The following SLC9B2 variants were observed in gnomAD, a reference collection of about 807,000 sequenced individuals.
SLC9B2 encodes solute carrier family 9 member B2.
SLC9B2 carries 39 observed loss-of-function variants against 52.2 expected under a neutral mutation model. That is an observed-to-expected ratio of 0.75 (90% CI 0.58 to 0.98). SLC9B2 has a LOEUF of 0.98. SLC9B2 is among the 50% of genes least tolerant of loss of function. The pLI is 0.00. For synonymous variants in SLC9B2, 214 were observed against 227.0 expected (o/e 0.94, Z 0.51); for missense variants, 626 against 637.5 (o/e 0.98, Z 0.19).
rs758464031 is a variant in SLC9B2, at chr4:103,066,480, T to C, written c.118A>G (p.Ile40Val). 5 of 1,613,914 alleles carry C rather than the reference T, an allele frequency of 3.1e-6. No homozygotes were observed. Among genetic ancestry groups the C allele is most frequent in the African/African-American group, 1.3e-5 (1 of 74,930 alleles). The stretch of plus-strand genomic sequence containing the variant: ...CCTTCTGTTGGTTCATTTGCATCTA[T>C]ACCTTTGAGCTTCATAACTGTCTCC... ...QEETVMKLKGIDANEPTEGSI... is the reference protein window; with the variant it reads ...QEETVMKLKGVDANEPTEGSI... Residue 40 changes from isoleucine (I) to valine (V), a missense_variant, in exon 3 of 12, where the codon ATA becomes GTA. By Grantham distance (29) the Ile-to-Val change is conservative. Coordinates refer to ENST00000394785, the MANE Select transcript of SLC9B2 (RefSeq NM_178833.7).
chr4:103,021,684 A>G (rs146794204), downstream of SLC9B2, among the ~76,000 whole-genome samples: 32 of 152,366 alleles, frequency 2.1e-4, no homozygotes, highest in East Asian at 1.9e-3. Flanking sequence ...ATAGTTTCAT[A>G]CTTCTGAAAG....
chr4:103,068,653 A>G (rs1746357409), intron 1 of SLC9B2, among the ~76,000 whole-genome samples: 1 of 152,200 alleles, frequency 6.6e-6, no homozygotes, highest in Non-Finnish European at 1.5e-5. Flanking sequence ...AACCACTATT[A>G]ATCAAGTTTT....
chr4:103,044,951 A>T lies in SLC9B2; in HGVS notation c.935T>A (p.Ile312Asn). Reference protein sequence around the residue: ...NVLRGVLEVVIGVATGSVLGF... With the variant: ...NVLRGVLEVVNGVATGSVLGF... The stretch of plus-strand genomic sequence containing the variant: ...AAGAACAGATCCAGTTGCCACACCA[A>T]TTACCACCTCCAAAACTCCTCTGAG... Residue 312 changes from isoleucine (I) to asparagine (N), a missense_variant, in exon 8 of 12, where the codon ATT (isoleucine) becomes AAT (asparagine). By Grantham distance (149) the Ile-to-Asn change is moderately radical. Coordinates refer to ENST00000394785, the MANE Select transcript of SLC9B2 (RefSeq NM_178833.7). The T allele has an allele frequency of 1.9e-6, 3 of 1,614,006 alleles. No homozygotes were observed. Among genetic ancestry groups the T allele is most frequent in the Non-Finnish European group, 2.5e-6 (3 of 1,179,932 alleles).
At chr4:103,043,532 GAAAAT>G in intron 8 of SLC9B2, 87 bp from the exon 9 acceptor site, 1 of 1,239,598 alleles carries the variant, frequency 8.1e-7, no homozygotes, top group Non-Finnish European at 1.1e-6. Flanking sequence ...GATTTAGAAA[GAAAAT>G]AAAAATTAAA....
intron 9 of SLC9B2, among the ~76,000 whole-genome samples, chr4:103,041,651 A>G (rs1162727345): frequency 6.6e-6 from 1 of 152,160 alleles, no homozygotes; most frequent in African/African-American, 2.4e-5. Context: ...TTATGAATTT[A>G]GAAGCTGAAT....
chr4:103,054,046 G>A (rs72665026), intron 4 of SLC9B2, among the ~76,000 whole-genome samples: 4,990 of 152,164 alleles, frequency 0.033, 129 homozygotes, highest in Middle Eastern at 0.071. Context: ...GGGAAGCCAA[G>A]ATACGAGGAT....
At chr4:103,061,772 CCT>C (rs1392568068) in intron 3 of SLC9B2, among the ~76,000 whole-genome samples, 1 of 152,134 alleles carries the variant, frequency 6.6e-6, no homozygotes, top group Non-Finnish European at 1.5e-5. Flanking sequence ...CTGATGATTC[CCT>C]GTTTTCTTGA....
At position 103,024,380 on chromosome 4, in the gene SLC9B2, TAATC is replaced by T. The variant is rs1742032766; in HGVS notation, c.*1986_*1989del. Among the ~76,000 whole-genome samples the T allele has an allele frequency of 6.6e-6, 1 of 152,168 alleles. No individual in the cohort carries two copies. Among genetic ancestry groups the T allele is most frequent in the Non-Finnish European group, 1.5e-5 (1 of 68,012 alleles). ...CACTTATCTGACCTTTGGTATAAATTAATCAAGTCCAAATCAAGAGCATAAACAT... is the reference window on the plus strand; with the variant it reads ...CACTTATCTGACCTTTGGTATAAATTAAGTCCAAATCAAGAGCATAAACAT... On this transcript the variant is annotated 3_prime_UTR_variant, in exon 12 of 12. Coordinates refer to ENST00000394785, the MANE Select transcript of SLC9B2 (RefSeq NM_178833.7).
At chr4:103,045,238 T>A (rs1744019160) in intron 7 of SLC9B2, among the ~76,000 whole-genome samples, 1 of 152,148 alleles carries the variant, frequency 6.6e-6, no homozygotes, top group Non-Finnish European at 1.5e-5. Flanking sequence ...TATATTAAAG[T>A]TTCTCCACAC....
intron 9 of SLC9B2, among the ~76,000 whole-genome samples, chr4:103,041,800 A>G (rs1273921390): frequency 1.3e-5 from 2 of 152,120 alleles, no homozygotes; most frequent in Non-Finnish European, 2.9e-5. Context: ...CTTGGAGTCA[A>G]ATTAATCTGA....
At chr4:103,068,361 G>A (rs1330691616) in intron 1 of SLC9B2, among the ~76,000 whole-genome samples, 2 of 152,190 alleles carry the variant, frequency 1.3e-5, no homozygotes, top group East Asian at 3.9e-4. Flanking sequence ...TGTAGGTAGA[G>A]GTGGCCATGT....
rs898330642 is a variant in SLC9B2, at chr4:103,025,818, A to C, written c.*552T>G. 12 of 152,366 alleles carry C rather than the reference A, an allele frequency of 7.9e-5. No homozygotes were observed. Among genetic ancestry groups the C allele is most frequent in the African/African-American group, 2.9e-4 (12 of 41,558 alleles). The allele number at this position is 152,366 out of a possible 1,614,324, so 9.4% of individuals were successfully genotyped here. On this transcript the variant is annotated 3_prime_UTR_variant, in exon 12 of 12. Transcript: ENST00000394785. ...CAATGAAGATACTTCATGTACTTTA[A>C]AATTTTGGTGGGACCAATCAGTTAC...
intron 3 of SLC9B2, among the ~76,000 whole-genome samples, chr4:103,059,593 A>G (rs1560556709): frequency 2.0e-5 from 3 of 152,220 alleles, no homozygotes. Flanking sequence ...AAAGGTCCTC[A>G]TGCAGGGAAG....
In SLC9B2 at chr4:103,064,001, G is replaced by A. The variant is rs527482095; in HGVS notation, c.271+2326C>T. Among the ~76,000 whole-genome samples, 7 of 152,324 alleles carry A rather than the reference G, an allele frequency of 4.6e-5. No homozygotes were observed. The South Asian group carries it at 1.4e-3, about 32-fold the overall frequency. ...TCAAAAAGACAAAAGATAACAAGGG[G>A]TTGGCAAGGATGTAGAGAAAAGGTA... is the stretch of plus-strand genomic sequence containing the variant. On this transcript the variant is annotated intron_variant, in intron 3 of 11. Coordinates refer to ENST00000394785, the MANE Select transcript of SLC9B2 (RefSeq NM_178833.7).
chr4:103,031,911 T>C, intron 9 of SLC9B2, 103 bp from the exon 10 acceptor site: 1 of 1,141,828 alleles, frequency 8.8e-7, no homozygotes, highest in Non-Finnish European at 1.3e-6. Flanking sequence ...GAGATAAGCT[T>C]TATTTCTGTG....
intron 1 of SLC9B2, among the ~76,000 whole-genome samples, chr4:103,073,793 T>C (rs1292472116): frequency 6.6e-6 from 1 of 152,216 alleles, no homozygotes; most frequent in East Asian, 1.9e-4. Context: ...GTTTAAAATA[T>C]TATTTCTAGG....
intron 1 of SLC9B2, among the ~76,000 whole-genome samples, chr4:103,069,280 G>A (rs973977776): frequency 6.6e-6 from 1 of 152,120 alleles, no homozygotes; most frequent in Non-Finnish European, 1.5e-5. Context: ...AGAGTAATGC[G>A]AGATCAGGTT....
At chr4:103,053,079 G>C (rs1744832840) in intron 4 of SLC9B2, among the ~76,000 whole-genome samples, 2 of 151,956 alleles carry the variant, frequency 1.3e-5, no homozygotes, top group Admixed American at 1.3e-4. Context: ...TCAACACATG[G>C]CTAATCTCAT....
At chr4:103,043,256 GAA>G in intron 9 of SLC9B2, 38 bp downstream of exon 9, 1 of 1,566,262 alleles carries the variant, frequency 6.4e-7, no homozygotes, top group Non-Finnish European at 8.6e-7. Context: ...AATCTCATTA[GAA>G]AAGAGTCATG....
Sources: allele counts gnomAD v4.1 joint callset (sites outside exome capture counted in the v4.1 genomes callset), GRCh38; gene constraint gnomAD v4.1.1; transcripts MANE v1.5; gene names NCBI Gene and HGNC (gene_info 2026-07-23, HGNC 2026-07-21).